PRKCB: variants seen among roughly 807,000 people sequenced by gnomAD.
PRKCB encodes protein kinase C beta type.
A neutral mutation model predicts 81.5 loss-of-function variants in PRKCB; 13 were observed. The observed-to-expected ratio is 0.16, with a 90% CI of 0.10 to 0.25. The LOEUF (loss-of-function observed/expected upper bound fraction) is 0.25. Ranked by LOEUF, PRKCB falls within the 10% of genes least tolerant of loss-of-function variation. The probability of loss-of-function intolerance (pLI) is 1.00; values close to 1 mark genes in which losing one functional copy is unlikely to be tolerated. For synonymous variants in PRKCB, 335 were observed against 321.4 expected (o/e 1.04, Z -0.45); for missense variants, 509 against 875.7 (o/e 0.58, Z 5.29).
chr16:24,219,130 G>C lies in PRKCB; in HGVS notation c.*4314G>C, dbSNP rs1462314492. ...TTAGCCCACATTCTGATGTTCCCTGGTGAGACTTGCCCCAAGCAATTGCTA... is the reference window on the plus strand; with the variant it reads ...TTAGCCCACATTCTGATGTTCCCTGCTGAGACTTGCCCCAAGCAATTGCTA... On this transcript the variant is annotated 3_prime_UTR_variant, in exon 17 of 17. Transcript: ENST00000643927. The C allele has an allele frequency of 1.0e-6, 1 of 985,276 alleles. No homozygotes were observed. The highest frequency in any genetic ancestry group is 1.2e-6 in the Non-Finnish European group (1 of 829,968). The allele number at this position is 985,276 out of a possible 1,614,324, so 61.0% of individuals were successfully genotyped here.
Position 23,875,760 on chromosome 16 carries a change from A to ATGTATATCACACATATATGTG in PRKCB, c.205+38385_205+38405dup, listed in dbSNP as rs1384808643. ...ATGTATGTATATCACACATATATGTATGTATATCACACATATATGTGTGTA... is the reference window on the plus strand; with the variant it reads ...ATGTATGTATATCACACATATATGTATGTATATCACACATATATGTGTGTATATCACACATATATGTGTGTA... On this transcript the variant is annotated intron_variant, in intron 2 of 16. Coordinates refer to ENST00000643927, the MANE Select transcript of PRKCB (RefSeq NM_002738.7). Among the ~76,000 whole-genome samples the ATGTATATCACACATATATGTG allele has an allele frequency of 1.5e-3, 198 of 128,744 alleles. 5 individuals are homozygous for ATGTATATCACACATATATGTG. Among genetic ancestry groups the ATGTATATCACACATATATGTG allele is most frequent in the Middle Eastern group, 9.1e-3 (2 of 220 alleles). The allele number at this position is 128,744 out of a possible 152,430, so 84.5% of individuals were successfully genotyped here. A position where few individuals can be genotyped will look rare whatever the true frequency, so the allele number is the denominator to read the frequency against.
chr16:23,844,302 T>TACA (rs1467309968), intron 2 of PRKCB, among the ~76,000 whole-genome samples: 4 of 152,220 alleles, frequency 2.6e-5, no homozygotes, highest in Non-Finnish European at 1.5e-5. Flanking sequence ...TTACAGAGAA[T>TACA]ACAACATCCA....
chr16:23,950,055 G>A (rs369203951), intron 2 of PRKCB, among the ~76,000 whole-genome samples: 5 of 151,818 alleles, frequency 3.3e-5, no homozygotes, highest in East Asian at 3.9e-4. Flanking sequence ...GAGCCTCGCC[G>A]TGGGGCGGAT....
chr16:24,189,969 C>T (rs934760302), intron 15 of PRKCB, among the ~76,000 whole-genome samples: 4 of 152,064 alleles, frequency 2.6e-5, no homozygotes, highest in East Asian at 3.9e-4. Context: ...GTCTTTACTC[C>T]CTGTGCATTT....
intron 2 of PRKCB, among the ~76,000 whole-genome samples, chr16:23,850,467 G>T (rs1388995410): frequency 3.9e-5 from 6 of 152,140 alleles, no homozygotes; most frequent in African/African-American, 1.4e-4. Context: ...TCAGGTTCAA[G>T]ACATTCTCCT....
At chr16:23,890,659 G>A (rs149787623) in intron 2 of PRKCB, among the ~76,000 whole-genome samples, 406 of 152,182 alleles carry the variant, frequency 2.7e-3, no homozygotes, top group African/African-American at 9.5e-3. Flanking sequence ...CCTTGCTTTT[G>A]TGATACCCTC....
intron 2 of PRKCB, among the ~76,000 whole-genome samples, chr16:23,939,969 C>A: frequency 6.6e-6 from 1 of 152,046 alleles, no homozygotes; most frequent in East Asian, 1.9e-4. Flanking sequence ...GGACTATTAT[C>A]TAGGATACAT....
intron 4 of PRKCB, among the ~76,000 whole-genome samples, chr16:24,034,175 T>C (rs111758195): frequency 1.6e-4 from 24 of 152,336 alleles, no homozygotes; most frequent in African/African-American, 5.8e-4. Context: ...ATAGGGACAA[T>C]GTCCCTGCCT....
intron 2 of PRKCB, among the ~76,000 whole-genome samples, chr16:23,888,369 C>G (rs1963237730): frequency 6.6e-6 from 1 of 152,210 alleles, no homozygotes; most frequent in Non-Finnish European, 1.5e-5. Flanking sequence ...AGTTGGCAGG[C>G]TGGCCCTCCT....
chr16:23,942,117 C>T (rs1200911876), intron 2 of PRKCB, among the ~76,000 whole-genome samples: 1 of 152,176 alleles, frequency 6.6e-6, no homozygotes, highest in African/African-American at 2.4e-5. Flanking sequence ...TGGTGGATGA[C>T]ATAATGGAAA....
At chr16:24,190,938 A>AT (rs1317136736) in intron 15 of PRKCB, 152 bp from the exon 16 acceptor site, 1 of 909,310 alleles carries the variant, frequency 1.1e-6, no homozygotes, top group African/African-American at 1.7e-5. Context: ...CCTGGCTGGG[A>AT]TTTTTTGCTG....
intron 2 of PRKCB, among the ~76,000 whole-genome samples, chr16:23,976,324 C>T (rs963222631): frequency 1.3e-5 from 2 of 152,000 alleles, no homozygotes; most frequent in African/African-American, 2.4e-5. Flanking sequence ...ACCGCCCCCC[C>T]AAAAACGGAT....
At chr16:23,917,372 C>G (rs753818448) in intron 2 of PRKCB, among the ~76,000 whole-genome samples, 1 of 152,216 alleles carries the variant, frequency 6.6e-6, no homozygotes, top group Non-Finnish European at 1.5e-5. Flanking sequence ...CCACCACGCC[C>G]GGCCACCTCA....
At chr16:23,956,946 A>G (rs1964356856) in intron 2 of PRKCB, among the ~76,000 whole-genome samples, 1 of 151,052 alleles carries the variant, frequency 6.6e-6, no homozygotes, top group African/African-American at 2.4e-5. Context: ...ACTCATACAA[A>G]AATAAATTAC....
At chr16:24,211,669 C>T (rs1968140415) in intron 16 of PRKCB, among the ~76,000 whole-genome samples, 1 of 151,678 alleles carries the variant, frequency 6.6e-6, no homozygotes, top group African/African-American at 2.4e-5. Flanking sequence ...AGTGATTCTC[C>T]TGCCTCAGCC....
intron 9 of PRKCB, among the ~76,000 whole-genome samples, chr16:24,147,525 A>C (rs745827708): frequency 2.0e-5 from 3 of 152,162 alleles, no homozygotes; most frequent in Non-Finnish European, 4.4e-5. Context: ...CGCCAAGCAA[A>C]TGTTAGTGGT....
chr16:24,040,049 GT>G (rs1270295649), intron 5 of PRKCB, among the ~76,000 whole-genome samples: 2 of 152,166 alleles, frequency 1.3e-5, no homozygotes, highest in Non-Finnish European at 2.9e-5. Context: ...GGACACTGCC[GT>G]TTGCCCTGAG....
chr16:24,139,693 A>G (rs1041085288), intron 9 of PRKCB, among the ~76,000 whole-genome samples: 2 of 152,254 alleles, frequency 1.3e-5, no homozygotes, highest in African/African-American at 4.8e-5. Context: ...CAACCTGTCA[A>G]TCTGACCTCT....
chr16:24,136,041 C>T (rs539659590), intron 9 of PRKCB, among the ~76,000 whole-genome samples: 1 of 152,026 alleles, frequency 6.6e-6, no homozygotes, highest in African/African-American at 2.4e-5. Context: ...CACTTCCCTG[C>T]CCCCACCAAG....
Sources: allele counts gnomAD v4.1 joint callset (sites outside exome capture counted in the v4.1 genomes callset), GRCh38; gene constraint gnomAD v4.1.1; transcripts MANE v1.5; gene names NCBI Gene and HGNC (gene_info 2026-07-23, HGNC 2026-07-21).